ME3: variants seen among roughly 807,000 people sequenced by gnomAD.
The protein encoded by ME3 is NADP-dependent malic enzyme, mitochondrial.
A neutral mutation model predicts 68.9 loss-of-function variants in ME3; 48 were observed. The ratio of observed to expected loss-of-function variants is 0.70; its 90% confidence interval spans 0.55 to 0.89. The LOEUF is 0.89. ME3 is among the 40% of genes least tolerant of loss of function. The pLI is 0.00. For missense variants in ME3, 675 were observed against 797.4 expected, an observed-to-expected ratio of 0.85 and a Z score of 1.85; for synonymous variants, 320 against 318.8, an observed-to-expected ratio of 1.00 and a Z score of -0.04.
chr11:86,544,321 A>C (rs12804407), intron 4 of ME3, among the ~76,000 whole-genome samples: 16,561 of 152,190 alleles, frequency 0.11, 950 homozygotes, highest in African/African-American at 0.14. Context: ...GAACTGAAGG[A>C]GATAGAGACA....
intron 2 of ME3, among the ~76,000 whole-genome samples, chr11:86,648,832 C>T (rs1231647581): frequency 3.9e-5 from 6 of 151,978 alleles, no homozygotes; most frequent in Non-Finnish European, 1.5e-5. Context: ...TAATTAATAG[C>T]CTACCAACCA....
intron 2 of ME3, among the ~76,000 whole-genome samples, chr11:86,655,977 A>T (rs979607004): frequency 1.2e-4 from 18 of 151,974 alleles, no homozygotes; most frequent in Non-Finnish European, 2.2e-4. Flanking sequence ...ACATTTATGC[A>T]GCCAAAAGAC....
intron 2 of ME3, among the ~76,000 whole-genome samples, chr11:86,585,230 C>A (rs2139634529): frequency 6.6e-6 from 1 of 152,272 alleles, no homozygotes; most frequent in Admixed American, 6.5e-5. Context: ...ATAATTAAAT[C>A]TGTGTTCTTT....
chr11:86,524,132 T>A (rs1456051925), intron 4 of ME3, among the ~76,000 whole-genome samples: 2 of 152,208 alleles, frequency 1.3e-5, no homozygotes, highest in African/African-American at 4.8e-5. Context: ...GACCCACACA[T>A]GCCTCCACTT....
intron 2 of ME3, among the ~76,000 whole-genome samples, chr11:86,657,988 C>A (rs369956494): frequency 1.3e-5 from 2 of 152,114 alleles, no homozygotes; most frequent in South Asian, 2.1e-4. Context: ...ATGAATAGCT[C>A]TTCTTAGGTT....
chr11:86,656,300 A>G (rs1340150432), intron 2 of ME3, among the ~76,000 whole-genome samples: 2 of 152,074 alleles, frequency 1.3e-5, no homozygotes, highest in African/African-American at 2.4e-5. Flanking sequence ...ACATGCACAC[A>G]TATGTTTATT....
At chr11:86,565,825 G>T (rs1326046594) in intron 2 of ME3, among the ~76,000 whole-genome samples, 1 of 152,178 alleles carries the variant, frequency 6.6e-6, no homozygotes, top group Non-Finnish European at 1.5e-5. Context: ...TGAATGCTGG[G>T]GAGAGAGATG....
intron 2 of ME3, among the ~76,000 whole-genome samples, chr11:86,561,362 A>T (rs1957225551): frequency 6.6e-6 from 1 of 152,162 alleles, no homozygotes; most frequent in African/African-American, 2.4e-5. Context: ...TTAGAAGGCA[A>T]GATTTGGGCA....
intron 4 of ME3, among the ~76,000 whole-genome samples, chr11:86,509,999 A>G (rs1953398150): frequency 6.6e-6 from 1 of 152,214 alleles, no homozygotes; most frequent in South Asian, 2.1e-4. Flanking sequence ...CATAATAAAA[A>G]AATTAAAACA....
At chr11:86,442,712 G>T in intron 14 of ME3, 109 bp downstream of exon 14, 1 of 894,276 alleles carries the variant, frequency 1.1e-6, no homozygotes, top group East Asian at 2.6e-5. Flanking sequence ...TGCAGCTCAA[G>T]GAGATCCAGT....
intron 2 of ME3, among the ~76,000 whole-genome samples, chr11:86,562,624 A>G (rs1957290258): frequency 6.6e-6 from 1 of 152,162 alleles, no homozygotes; most frequent in South Asian, 2.1e-4. Context: ...TTTAATTAGC[A>G]ATCCTCTATT....
At chr11:86,542,417 T>C (rs1039044254) in intron 4 of ME3, among the ~76,000 whole-genome samples, 1 of 151,898 alleles carries the variant, frequency 6.6e-6, no homozygotes, top group Non-Finnish European at 1.5e-5. Flanking sequence ...GAAAAAAAGT[T>C]AGAGGAATTG....
intron 2 of ME3, among the ~76,000 whole-genome samples, chr11:86,589,130 T>C (rs992621607): frequency 3.3e-5 from 5 of 152,186 alleles, no homozygotes; most frequent in Non-Finnish European, 5.9e-5. Flanking sequence ...GGGTGCAGAC[T>C]GGAGAATCAA....
intron 2 of ME3, among the ~76,000 whole-genome samples, chr11:86,638,600 A>G (rs1944484624): frequency 6.6e-6 from 1 of 152,208 alleles, no homozygotes; most frequent in Non-Finnish European, 1.5e-5. Flanking sequence ...ATATGATATC[A>G]TTGCTAGTAA....
intron 5 of ME3, among the ~76,000 whole-genome samples, chr11:86,498,722 C>A (rs1952525292): frequency 6.6e-6 from 1 of 152,160 alleles, no homozygotes; most frequent in South Asian, 2.1e-4. Flanking sequence ...TGAGGGCCTA[C>A]TATGTGCTAG....
intron 8 of ME3, among the ~76,000 whole-genome samples, chr11:86,456,725 G>A (rs151080333): frequency 1.9e-4 from 29 of 152,212 alleles, no homozygotes; most frequent in African/African-American, 7.0e-4. Flanking sequence ...GAAGGGGAGG[G>A]GAGCTCAGAA....
At chr11:86,510,998 A>G (rs550009945) in intron 4 of ME3, among the ~76,000 whole-genome samples, 32 of 152,198 alleles carry the variant, frequency 2.1e-4, no homozygotes, top group Non-Finnish European at 3.8e-4. Context: ...ACCCCTTGAA[A>G]TCATCCTTGA....
intron 4 of ME3, among the ~76,000 whole-genome samples, chr11:86,516,159 A>C (rs1953885579): frequency 6.6e-6 from 1 of 152,080 alleles, no homozygotes; most frequent in Non-Finnish European, 1.5e-5. Context: ...AAACAAAAAT[A>C]ATTTTAGCTA....
intron 2 of ME3, among the ~76,000 whole-genome samples, chr11:86,593,451 T>A (rs576369516): frequency 6.8e-6 from 1 of 146,774 alleles, no homozygotes; most frequent in Non-Finnish European, 1.5e-5. Flanking sequence ...AAAACAATAC[T>A]TTCACATATA....
Sources: allele counts gnomAD v4.1 joint callset (sites outside exome capture counted in the v4.1 genomes callset), GRCh38; gene constraint gnomAD v4.1.1; transcripts MANE v1.5; gene names NCBI Gene and HGNC (gene_info 2026-07-23, HGNC 2026-07-21).